LRRTM4: variants seen among roughly 807,000 people sequenced by gnomAD.
The protein encoded by LRRTM4 is leucine rich repeat transmembrane neuronal 4.
A neutral mutation model predicts 47.6 loss-of-function variants in LRRTM4; 25 were observed. That is an observed-to-expected ratio of 0.53 (90% CI 0.38 to 0.73). LRRTM4 has a LOEUF of 0.73. Among genes scored for constraint, LRRTM4 ranks in the 30% least tolerant of loss-of-function variants. LRRTM4 has a pLI of 0.00. For synonymous variants in LRRTM4, 311 were observed against 269.5 expected, an observed-to-expected ratio of 1.15 and a Z score of -1.51; for missense variants, 638 against 713.4, an observed-to-expected ratio of 0.89 and a Z score of 1.20.
chr2:77,314,389 A>T (rs1187058219), intron 3 of LRRTM4, among the ~76,000 whole-genome samples: 1 of 152,192 alleles, frequency 6.6e-6, no homozygotes, highest in Non-Finnish European at 1.5e-5. Flanking sequence ...AACAAAATGC[A>T]TATCAACAGA....
rs776265725 is a variant in LRRTM4, at chr2:77,483,118, C to CA, written c.1551+35199dup. 5.4e-3 allele frequency among the ~76,000 whole-genome samples: 325 copies of CA among 60,586 alleles called. 37 individuals are homozygous for CA. The highest frequency in any genetic ancestry group is 0.011 in the African/African-American group (165 of 15,194). The allele number at this position is 60,586 out of a possible 152,430, so 39.7% of individuals were successfully genotyped here. A position where few individuals can be genotyped will look rare whatever the true frequency, so the allele number is the denominator to read the frequency against. ...CCTAGGAGGCAGAGCAAGACTGTCT[C>CA]AAAAAAAAAAAAAAAAAAAAAAAAA... On this transcript the variant is annotated intron_variant, in intron 3 of 3. Transcript: ENST00000409884.
At chr2:76,812,330 T>G (rs1055053492) in intron 3 of LRRTM4, among the ~76,000 whole-genome samples, 3 of 152,204 alleles carry the variant, frequency 2.0e-5, no homozygotes, top group Non-Finnish European at 2.9e-5. Context: ...ACTGACAGAA[T>G]GAAAACTTCA....
At chr2:77,174,825 T>G (rs1346715595) in intron 3 of LRRTM4, among the ~76,000 whole-genome samples, 1 of 151,732 alleles carries the variant, frequency 6.6e-6, no homozygotes, top group Non-Finnish European at 1.5e-5. Context: ...GGCCCTGGTG[T>G]GTGATGTTCC....
At chr2:76,796,816 G>A (rs1675354975) in intron 3 of LRRTM4, among the ~76,000 whole-genome samples, 1 of 151,828 alleles carries the variant, frequency 6.6e-6, no homozygotes, top group African/African-American at 2.4e-5. Context: ...TTGACAAGCT[G>A]AGTGAAGAAG....
chr2:77,414,030 A>G (rs1354898893), intron 3 of LRRTM4, among the ~76,000 whole-genome samples: 1 of 152,158 alleles, frequency 6.6e-6, no homozygotes, highest in South Asian at 2.1e-4. Flanking sequence ...GATATTTGCA[A>G]TACTCCTAAC....
At chr2:77,345,224 T>G (rs142534224) in intron 3 of LRRTM4, among the ~76,000 whole-genome samples, 1 of 151,466 alleles carries the variant, frequency 6.6e-6, no homozygotes, top group Non-Finnish European at 1.5e-5. Context: ...ACAATCATAT[T>G]AAATATAAAT....
intron 3 of LRRTM4, among the ~76,000 whole-genome samples, chr2:77,347,030 C>T (rs1671589599): frequency 6.6e-6 from 1 of 152,150 alleles, no homozygotes; most frequent in African/African-American, 2.4e-5. Context: ...CAGCTCTCAA[C>T]TGGTTTGGCC....
rs114812416 is a variant in LRRTM4 at position 77,325,608 on chromosome 2, C to G, written c.1551+192710G>C. The stretch of plus-strand genomic sequence containing the variant: ...GTGAGCCATTTGCTAACACAATTCT[C>G]TCTAATTCCTCTCTAAGGGCCCTTT... On this transcript the variant is annotated intron_variant, in intron 3 of 3. Transcript: ENST00000409884. Among the ~76,000 whole-genome samples, 1,421 of 152,282 alleles carry G rather than the reference C, an allele frequency of 9.3e-3. 25 individuals carry two copies. The highest frequency in any genetic ancestry group is 0.033 in the African/African-American group (1,364 of 41,554).
chr2:77,312,387 T>C (rs1677481942), intron 3 of LRRTM4, among the ~76,000 whole-genome samples: 1 of 152,218 alleles, frequency 6.6e-6, no homozygotes, highest in Non-Finnish European at 1.5e-5. Flanking sequence ...CCCATAATTA[T>C]GTAAATATAA....
At chr2:76,848,231 C>T (rs1270815933) in intron 3 of LRRTM4, among the ~76,000 whole-genome samples, 1 of 152,006 alleles carries the variant, frequency 6.6e-6, no homozygotes, top group African/African-American at 2.4e-5. Context: ...TGTATTTAAT[C>T]TTGGAATTTT....
At chr2:76,786,112 G>A (rs972859280) in intron 3 of LRRTM4, among the ~76,000 whole-genome samples, 1 of 151,992 alleles carries the variant, frequency 6.6e-6, no homozygotes, top group African/African-American at 2.4e-5. Context: ...CTCAACTTCA[G>A]CTTCATCTGG....
At chr2:77,285,343 T>TATATATATATATATATATATAC (rs1408176857) in intron 3 of LRRTM4, among the ~76,000 whole-genome samples, 2 of 131,272 alleles carry the variant, frequency 1.5e-5, no homozygotes, top group African/African-American at 5.7e-5. Context: ...ATTAAATTTA[T>TATATATATATATATATATATAC]ATATATATAT....
chr2:76,754,311 G>C (rs1672952194), intron 3 of LRRTM4, among the ~76,000 whole-genome samples: 1 of 151,578 alleles, frequency 6.6e-6, no homozygotes, highest in Non-Finnish European at 1.5e-5. Flanking sequence ...ATGTAAACAA[G>C]TTTGGGTACT....
At chr2:76,884,310 A>G (rs909039405) in intron 3 of LRRTM4, among the ~76,000 whole-genome samples, 1 of 152,212 alleles carries the variant, frequency 6.6e-6, no homozygotes, top group Non-Finnish European at 1.5e-5. Flanking sequence ...GGAGCTAATT[A>G]TTAATAGAAA....
At chr2:77,118,324 A>G (rs1671442198) in intron 3 of LRRTM4, among the ~76,000 whole-genome samples, 1 of 151,892 alleles carries the variant, frequency 6.6e-6, no homozygotes, top group Non-Finnish European at 1.5e-5. Flanking sequence ...AAAAAAGACA[A>G]TGCCAAAACT....
At chr2:76,781,005 T>G (rs1340507841) in intron 3 of LRRTM4, among the ~76,000 whole-genome samples, 1 of 152,266 alleles carries the variant, frequency 6.6e-6, no homozygotes, top group Non-Finnish European at 1.5e-5. Context: ...GCAGGTCTGT[T>G]GGAATACCCT....
intron 3 of LRRTM4, chr2:77,009,750 G>A (rs552413715): frequency 2.0e-5 from 3 of 152,046 alleles, no homozygotes; most frequent in Admixed American, 2.0e-4. Flanking sequence ...ATTATTTGTT[G>A]TACTAAGCAC....
In LRRTM4 at chr2:77,273,851, G is replaced by A. The variant is rs13420793; in HGVS notation, c.1551+244467C>T. On this transcript the variant is annotated intron_variant, in intron 3 of 3. Transcript: ENST00000409884. ...ATTGATTGACTTTACAAAACATGTG[G>A]ATGTTTACATATTACCATATTCCTT... 5.5e-3 allele frequency among the ~76,000 whole-genome samples: 841 copies of A among 152,178 alleles called. 9 individuals carry two copies. The highest frequency in any genetic ancestry group is 0.019 in the African/African-American group (804 of 41,546).
intron 3 of LRRTM4, among the ~76,000 whole-genome samples, chr2:77,399,968 G>A (rs527866169): frequency 4.0e-5 from 6 of 151,864 alleles, no homozygotes; most frequent in Admixed American, 3.3e-4. Context: ...CTTTAAACTC[G>A]CTAATGGCTA....
Sources: allele counts gnomAD v4.1 joint callset (sites outside exome capture counted in the v4.1 genomes callset), GRCh38; gene constraint gnomAD v4.1.1; transcripts MANE v1.5; gene names NCBI Gene and HGNC (gene_info 2026-07-23, HGNC 2026-07-21).